FSHR: variants seen among roughly 807,000 people sequenced by gnomAD.
FSHR encodes the protein follicle stimulating hormone receptor.
A neutral mutation model predicts 52.1 loss-of-function variants in FSHR; 46 were observed. The observed-to-expected ratio is 0.88, with a 90% CI of 0.70 to 1.13. The LOEUF (loss-of-function observed/expected upper bound fraction) is 1.13. Among genes scored for constraint, FSHR ranks in the 50% most tolerant of loss-of-function variants. The pLI is 0.00. For missense variants in FSHR, 964 were observed against 834.6 expected (o/e 1.16, Z -1.91); for synonymous variants, 399 against 309.6 (o/e 1.29, Z -3.03).
At chr2:48,995,178 A>G (rs891041226) in intron 4 of FSHR, among the ~76,000 whole-genome samples, 1 of 152,084 alleles carries the variant, frequency 6.6e-6, no homozygotes, top group African/African-American at 2.4e-5. Flanking sequence ...CATCCTTCCA[A>G]TAAAATCTCT....
intron 1 of FSHR, among the ~76,000 whole-genome samples, chr2:49,089,115 T>TATAATATAA: frequency 9.4e-6 from 1 of 105,978 alleles, no homozygotes; most frequent in South Asian, 3.1e-4. Context: ...AATATAATAT[T>TATAATATAA]TATTTATATG....
intron 8 of FSHR, among the ~76,000 whole-genome samples, chr2:48,975,442 C>T (rs1301013784): frequency 6.6e-6 from 1 of 152,100 alleles, no homozygotes; most frequent in African/African-American, 2.4e-5. Flanking sequence ...CTACTTACTC[C>T]CCAGTGCATG....
intron 9 of FSHR, among the ~76,000 whole-genome samples, chr2:48,966,495 C>G (rs1674483401): frequency 6.6e-6 from 1 of 152,066 alleles, no homozygotes; most frequent in East Asian, 1.9e-4. Context: ...GGGAAGAGCC[C>G]AGGAAGAGTC....
chr2:49,127,907 T>C (rs1394286746), intron 1 of FSHR, among the ~76,000 whole-genome samples: 10 of 124,890 alleles, frequency 8.0e-5, no homozygotes, highest in Admixed American at 1.7e-4. Flanking sequence ...TCTTTTTTTT[T>C]TTTGAGACGG....
At chr2:49,022,101 G>A (rs1045352009) in intron 2 of FSHR, among the ~76,000 whole-genome samples, 1 of 151,454 alleles carries the variant, frequency 6.6e-6, no homozygotes, top group African/African-American at 2.4e-5. Flanking sequence ...GCAGGAAAAG[G>A]CTAGCTAACA....
chr2:49,134,818 A>G (rs1416246165), intron 1 of FSHR, among the ~76,000 whole-genome samples: 1 of 152,164 alleles, frequency 6.6e-6, no homozygotes, highest in Admixed American at 6.6e-5. Flanking sequence ...CGCAAGAACA[A>G]AAAACCAAAC....
At chr2:49,087,471 G>A (rs74378713) in intron 1 of FSHR, among the ~76,000 whole-genome samples, 1 of 152,228 alleles carries the variant, frequency 6.6e-6, no homozygotes, top group African/African-American at 2.4e-5. Context: ...GTCTGACACT[G>A]CGCTAGGCCC....
Position 49,020,167 on chromosome 2 carries a change from AG to A in FSHR, c.225-8del, listed in dbSNP as rs770383357. ...ATCATTCTGAGAGATCTCTCTGTGG[AG>A]AAAAAAATATATAAGTCAAGCCAGT... On this transcript the variant is annotated splice_polypyrimidine_tract_variant and splice_region_variant and intron_variant, in intron 2 of 9. Coordinates refer to ENST00000406846, the MANE Select transcript of FSHR (RefSeq NM_000145.4). The A allele has an allele frequency of 3.1e-6, 5 of 1,610,128 alleles. No homozygotes were observed. The South Asian group carries it at 5.5e-5, about 18-fold the overall frequency.
chr2:48,990,590 A>G lies in FSHR; in HGVS notation c.422T>C (p.Ile141Thr). 6.2e-7 allele frequency: 1 copy of G among 1,611,902 alleles called. No homozygotes were observed. The highest frequency in any genetic ancestry group is 8.5e-7 in the Non-Finnish European group (1 of 1,178,020). ...CAGTAAAACTTTTTGGAGAGAATGA[A>G]TCTTGTGAACATCTGGAAGGTGCTT... ...GIKHLPDVHK[I>T]HSLQKVLLDI... is the part of the protein sequence containing the mutation. The change falls in exon 5 of 10, where the codon ATT becomes ACT. Residue 141 changes from isoleucine to threonine, a missense_variant. Transcript: ENST00000406846.
chr2:49,094,796 G>T (rs924675171), intron 1 of FSHR, among the ~76,000 whole-genome samples: 1 of 151,872 alleles, frequency 6.6e-6, no homozygotes. Flanking sequence ...ATAAAGATTA[G>T]AAGAGAAATA....
intron 1 of FSHR, among the ~76,000 whole-genome samples, chr2:49,116,240 A>G (rs1448763879): frequency 6.6e-6 from 1 of 152,162 alleles, no homozygotes; most frequent in Non-Finnish European, 1.5e-5. Context: ...AAAATAGGGA[A>G]CCCTGAGAGG....
At chr2:49,026,816 T>A (rs1344627807) in intron 2 of FSHR, among the ~76,000 whole-genome samples, 1 of 152,102 alleles carries the variant, frequency 6.6e-6, no homozygotes, top group African/African-American at 2.4e-5. Context: ...CATTTCTTAA[T>A]CCCTGTCTTG....
intron 2 of FSHR, among the ~76,000 whole-genome samples, chr2:49,033,617 G>A (rs1397947093): frequency 6.6e-6 from 1 of 152,120 alleles, no homozygotes; most frequent in Non-Finnish European, 1.5e-5. Flanking sequence ...GCAAGCTGGA[G>A]CCTGGCATAC....
At chr2:49,107,356 G>T (rs1357398612) in intron 1 of FSHR, among the ~76,000 whole-genome samples, 1 of 151,970 alleles carries the variant, frequency 6.6e-6, no homozygotes, top group African/African-American at 2.4e-5. Context: ...CTTAGGCTCT[G>T]CTAAGATCAC....
At chr2:49,076,306 C>T (rs868005633) in intron 1 of FSHR, among the ~76,000 whole-genome samples, 5 of 152,228 alleles carry the variant, frequency 3.3e-5, no homozygotes, top group South Asian at 4.1e-4. Context: ...TGACAGAAGG[C>T]GAGGAGCAAG....
At chr2:49,119,543 G>A (rs1322557932) in intron 1 of FSHR, among the ~76,000 whole-genome samples, 1 of 151,432 alleles carries the variant, frequency 6.6e-6, no homozygotes, top group Non-Finnish European at 1.5e-5. Flanking sequence ...TTTTGCAATG[G>A]CGCATTTTAG....
chr2:48,985,387 C>A (rs1464547754), intron 6 of FSHR, among the ~76,000 whole-genome samples: 1 of 151,514 alleles, frequency 6.6e-6, no homozygotes, highest in African/African-American at 2.4e-5. Context: ...GCAGGTCTCT[C>A]CTGAGGCCCG....
intron 1 of FSHR, among the ~76,000 whole-genome samples, chr2:49,117,926 A>G (rs148518322): frequency 6.6e-6 from 1 of 152,320 alleles, no homozygotes; most frequent in Non-Finnish European, 1.5e-5. Flanking sequence ...AAGGAGAATT[A>G]TAGAATTATT....
chr2:49,031,953 G>C (rs1248876548), intron 2 of FSHR, among the ~76,000 whole-genome samples: 1 of 152,076 alleles, frequency 6.6e-6, no homozygotes, highest in African/African-American at 2.4e-5. Flanking sequence ...AAATCCCTTA[G>C]GGTCAAGGAT....
Sources: gnomAD v4.1 joint callset for allele counts (sites outside exome capture counted in the v4.1 genomes callset) on GRCh38, gnomAD v4.1.1 for gene constraint, MANE v1.5 for transcripts, NCBI Gene and HGNC (gene_info 2026-07-23, HGNC 2026-07-21) for gene names.